The following EFCAB8 variants were observed in gnomAD, a reference collection of about 807,000 sequenced individuals.
EFCAB8 encodes EF-hand calcium-binding domain-containing protein 8.
A neutral mutation model predicts 116.3 loss-of-function variants in EFCAB8; 100 were observed. The observed-to-expected ratio is 0.86, with a 90% CI of 0.73 to 1.02. The LOEUF is 1.02. Among genes scored for constraint, EFCAB8 ranks in the 50% least tolerant of loss-of-function variants. EFCAB8 has a pLI of 0.00. For synonymous variants in EFCAB8, 558 were observed against 567.9 expected (o/e 0.98, Z 0.25); for missense variants, 1,320 against 1,416.9 (o/e 0.93, Z 1.10).
rs1046336053 is a variant in EFCAB8 at position 32,939,646 on chromosome 20, CTCTG to C, written c.2791-3986_2791-3983del. Among the ~76,000 whole-genome samples, 20 of 145,134 alleles carry C rather than the reference CTCTG, an allele frequency of 1.4e-4. No individual in the cohort carries two copies. The East Asian group carries it at 2.8e-3, about 21-fold the overall frequency. ...CCCTCCCTTCCTCCCTCCTTTCTCT[CTCTG>C]TCTCTCTTTTTCTTTTTTTCTCCCT... On this transcript the variant is annotated intron_variant, in intron 22 of 26. Coordinates refer to ENST00000400522, the MANE Select transcript of EFCAB8 (RefSeq NM_001143967.2).
intron 9 of EFCAB8, among the ~76,000 whole-genome samples, chr20:32,895,841 G>T (rs1302071025): frequency 1.3e-5 from 2 of 151,942 alleles, no homozygotes; most frequent in Non-Finnish European, 2.9e-5. Flanking sequence ...AAAGTGCTGG[G>T]ATTACAGGCG....
At chr20:32,943,016 G>A (rs180773255) in intron 22 of EFCAB8, among the ~76,000 whole-genome samples, 152 of 152,188 alleles carry the variant, frequency 1.0e-3, no homozygotes, top group African/African-American at 3.4e-3. Flanking sequence ...GAATATGGTC[G>A]AATAAGTCCT....
chr20:32,917,835 TACTACACATTACC>T (rs924970637), intron 18 of EFCAB8, among the ~76,000 whole-genome samples: 13 of 152,212 alleles, frequency 8.5e-5, no homozygotes, highest in African/African-American at 3.1e-4. Flanking sequence ...TTCCCATTGC[TACTACACATTACC>T]ACTGTGGGCT....
intron 17 of EFCAB8, 115 bp from the exon 18 acceptor site, chr20:32,917,186 G>A (rs902090831): frequency 3.8e-6 from 3 of 792,694 alleles, no homozygotes; most frequent in Admixed American, 5.2e-5. Context: ...TCCGACACCT[G>A]AGAGTATCCT....
intron 3 of EFCAB8, among the ~76,000 whole-genome samples, chr20:32,875,502 G>GTTTTTTTTTTTTTGTTTTTT (rs1984917892): frequency 2.2e-5 from 2 of 89,890 alleles, no homozygotes; most frequent in South Asian, 7.6e-4. Context: ...AAACATGGTG[G>GTTTTTTTTTTTTTGTTTTTT]TTTTTTTTTT....
intron 22 of EFCAB8, among the ~76,000 whole-genome samples, chr20:32,932,108 G>A (rs773924538): frequency 6.6e-6 from 1 of 152,148 alleles, no homozygotes; most frequent in Non-Finnish European, 1.5e-5. Flanking sequence ...GCCGGGCACG[G>A]TGGCTCATGC....
chr20:32,939,179 CTTT>C (rs1568941693), intron 22 of EFCAB8, among the ~76,000 whole-genome samples: 43 of 83,330 alleles, frequency 5.2e-4, no homozygotes, highest in Admixed American at 7.0e-4. Flanking sequence ...TTCTTTCTTT[CTTT>C]CTTTCTTTCT....
chr20:32,918,026 C>A (rs982327696), intron 18 of EFCAB8, among the ~76,000 whole-genome samples: 2 of 152,232 alleles, frequency 1.3e-5, no homozygotes, highest in African/African-American at 4.8e-5. Flanking sequence ...GGGTTTCCCC[C>A]AGAATAGCTC....
intron 20 of EFCAB8, among the ~76,000 whole-genome samples, chr20:32,922,953 G>A (rs1054732732): frequency 6.6e-6 from 1 of 152,192 alleles, no homozygotes; most frequent in African/African-American, 2.4e-5. Flanking sequence ...GGAGGCCAAA[G>A]TGGGAGGACT....
chr20:32,936,248 G>T (rs1467044663), intron 22 of EFCAB8, among the ~76,000 whole-genome samples: 1 of 151,896 alleles, frequency 6.6e-6, no homozygotes, highest in Non-Finnish European at 1.5e-5. Flanking sequence ...TGGCCAGGCT[G>T]GTGTTGAACT....
chr20:32,868,671 C>A (rs1286644677), intron 3 of EFCAB8, among the ~76,000 whole-genome samples: 1 of 152,138 alleles, frequency 6.6e-6, no homozygotes, highest in Admixed American at 6.6e-5. Flanking sequence ...TCTGTTCAGG[C>A]TCTCACAAGG....
At position 32,939,111 on chromosome 20, in the gene EFCAB8, TTCTCTCTTTCTTTC is replaced by T. The variant is rs1292864673; in HGVS notation, c.2791-4521_2791-4508del. 3.7e-3 allele frequency among the ~76,000 whole-genome samples: 509 copies of T among 136,674 alleles called. 2 individuals carry two copies. Among genetic ancestry groups the T allele is most frequent in the East Asian group, 7.5e-3 (34 of 4,526 alleles). The allele number at this position is 136,674 out of a possible 152,430, so 89.7% of individuals were successfully genotyped here. A position where few individuals can be genotyped will look rare whatever the true frequency, so the allele number is the denominator to read the frequency against. On this transcript the variant is annotated intron_variant, in intron 22 of 26. Transcript: ENST00000400522. ...TTTTTCTTTTCCTTCCTTCCTTTCT[TTCTCTCTTTCTTTC>T]TCTTTCTTTCTTTCTTTCTTTCTTT...
chr20:32,897,937 A>C (rs1986242289), intron 10 of EFCAB8, among the ~76,000 whole-genome samples: 1 of 152,196 alleles, frequency 6.6e-6, no homozygotes. Context: ...CTAGATTGGG[A>C]GGCCAAGCAC....
chr20:32,944,465 A>G (rs569982632), intron 23 of EFCAB8, among the ~76,000 whole-genome samples: 1 of 151,286 alleles, frequency 6.6e-6, no homozygotes, highest in East Asian at 1.9e-4. Context: ...ACTCTGTCTA[A>G]AAAAAAAATA....
Position 32,931,320 on chromosome 20 carries a change from C to A in EFCAB8, c.2774C>A (p.Pro925His). 2 of 1,546,102 alleles carry A rather than the reference C, an allele frequency of 1.3e-6. No homozygotes were observed. The highest frequency in any genetic ancestry group is 1.7e-6 in the Non-Finnish European group (2 of 1,144,524). The change falls in exon 22 of 27, where the codon CCC becomes CAC. Residue 925 changes from proline to histidine, a missense_variant. Coordinates refer to ENST00000400522, the MANE Select transcript of EFCAB8 (RefSeq NM_001143967.2). ...GGGACCAACTTCCCACACTACATTC[C>A]CTTGGAGGATAAAGAGGTAGGAGGA... Reference protein sequence around the residue: ...QLGTNFPHYIPLEDKEVVAGH... With the variant: ...QLGTNFPHYIHLEDKEVVAGH...
In EFCAB8 at chr20:32,943,620, G is replaced by A. The variant is rs1328840524; in HGVS notation, c.2791-16G>A. The A allele has an allele frequency of 4.8e-6, 2 of 416,816 alleles. No individual in the cohort carries two copies. Among genetic ancestry groups the A allele is most frequent in the Non-Finnish European group, 8.8e-6 (2 of 226,502 alleles). 25.8% of individuals were successfully genotyped at this position (416,816 alleles called of 1,614,324 possible). ...TGGTCTTGGTAAAAGTGTTTCTCCT[G>A]TACTGTCCCCTATAGGTTGTGGCTG... On this transcript the variant is annotated splice_polypyrimidine_tract_variant and intron_variant, in intron 22 of 26. Transcript: ENST00000400522.
In EFCAB8 at chr20:32,930,548, G is replaced by T. The variant is rs763804243; in HGVS notation, c.2563G>T (p.Val855Leu). 90 of 1,552,208 alleles carry T rather than the reference G, an allele frequency of 5.8e-5. No homozygotes were observed. The highest frequency in any genetic ancestry group is 7.8e-5 in the Non-Finnish European group (90 of 1,147,128). Residue 855 changes from valine to leucine, a missense_variant, in exon 21 of 27, where the codon GTG becomes TTG. Coordinates refer to ENST00000400522, the MANE Select transcript of EFCAB8 (RefSeq NM_001143967.2). ...PVDLDNGDVV[V>L]GAMATDKNDW... Reference sequence around the variant, plus strand: ...GGACCTAGACAATGGGGATGTTGTCGTGGGTGCCATGGCCACTGATAAAAA... The same window carrying T: ...GGACCTAGACAATGGGGATGTTGTCTTGGGTGCCATGGCCACTGATAAAAA...
At chr20:32,862,882 C>T (rs1168692598) in intron 1 of EFCAB8, among the ~76,000 whole-genome samples, 1 of 152,176 alleles carries the variant, frequency 6.6e-6, no homozygotes, top group African/African-American at 2.4e-5. Context: ...ATCCTTCCGC[C>T]TTGGCCTCCC....
At chr20:32,886,714 A>G (rs557054078) in intron 6 of EFCAB8, among the ~76,000 whole-genome samples, 4 of 152,114 alleles carry the variant, frequency 2.6e-5, no homozygotes, top group Non-Finnish European at 4.4e-5. Context: ...TGGCTGCTAC[A>G]TGGTCACCAA....
Sources: allele counts gnomAD v4.1 joint callset (sites outside exome capture counted in the v4.1 genomes callset), GRCh38; gene constraint gnomAD v4.1.1; transcripts MANE v1.5; gene names NCBI Gene and HGNC (gene_info 2026-07-23, HGNC 2026-07-21).